COL25A1: variants seen among roughly 807,000 people sequenced by gnomAD.
The protein encoded by COL25A1 is collagen type XXV alpha 1 chain, also known as collagen alpha-1(XXV) chain.
In COL25A1, 103 loss-of-function variants were observed where a neutral mutation model predicts 128.4. The observed-to-expected ratio is 0.80, with a 90% CI of 0.68 to 0.94. The LOEUF is 0.94. Ranked by LOEUF, COL25A1 falls within the 40% of genes least tolerant of loss-of-function variation. The pLI is 0.00. For synonymous variants in COL25A1, 279 were observed against 277.2 expected, an observed-to-expected ratio of 1.01 and a Z score of -0.06; for missense variants, 745 against 840.0, an observed-to-expected ratio of 0.89 and a Z score of 1.40.
chr4:109,033,351 A>T (rs918750814), intron 5 of COL25A1, among the ~76,000 whole-genome samples: 1 of 152,240 alleles, frequency 6.6e-6, no homozygotes, highest in East Asian at 1.9e-4. Context: ...AGGCAGGCAC[A>T]TAACAGTTCC....
At chr4:108,915,406 G>A (rs917293292) in intron 13 of COL25A1, among the ~76,000 whole-genome samples, 1 of 151,850 alleles carries the variant, frequency 6.6e-6, no homozygotes, top group Non-Finnish European at 1.5e-5. Flanking sequence ...TCACCATGTT[G>A]CCCAGGTTGG....
At chr4:109,212,707 A>G (rs545490601) in intron 3 of COL25A1, among the ~76,000 whole-genome samples, 3 of 152,178 alleles carry the variant, frequency 2.0e-5, no homozygotes, top group Non-Finnish European at 4.4e-5. Context: ...GAGTTCCCTA[A>G]AATGAGATGT....
At chr4:109,016,438 G>C (rs1757224259) in intron 5 of COL25A1, among the ~76,000 whole-genome samples, 1 of 152,244 alleles carries the variant, frequency 6.6e-6, no homozygotes, top group African/African-American at 2.4e-5. Context: ...CAGATTCCTA[G>C]GCGGAAAGGG....
chr4:109,017,822 T>A (rs1303541589), intron 5 of COL25A1, among the ~76,000 whole-genome samples: 1 of 152,200 alleles, frequency 6.6e-6, no homozygotes, highest in East Asian at 1.9e-4. Context: ...ACTACCTCTG[T>A]TTCAAGATAA....
chr4:108,975,041 G>C (rs1479859438), intron 6 of COL25A1, among the ~76,000 whole-genome samples: 2 of 152,182 alleles, frequency 1.3e-5, no homozygotes, highest in African/African-American at 4.8e-5. Context: ...TTTGTGTGTA[G>C]TTGTAGATTG....
At chr4:109,258,891 C>A (rs1382223235) in intron 3 of COL25A1, among the ~76,000 whole-genome samples, 2 of 152,142 alleles carry the variant, frequency 1.3e-5, no homozygotes, top group African/African-American at 2.4e-5. Context: ...CCAATTACTA[C>A]CCCTTTTAAG....
chr4:109,186,094 G>A (rs978823470), intron 3 of COL25A1, among the ~76,000 whole-genome samples: 2 of 152,192 alleles, frequency 1.3e-5, no homozygotes, highest in African/African-American at 4.8e-5. Flanking sequence ...TCTCTTGCCA[G>A]GACCTTTTGT....
intron 3 of COL25A1, among the ~76,000 whole-genome samples, chr4:109,137,859 G>GC (rs1769946968): frequency 6.6e-6 from 1 of 152,074 alleles, no homozygotes; most frequent in Non-Finnish European, 1.5e-5. Context: ...TATCCTACAT[G>GC]CATCTGAAAG....
chr4:109,262,513 C>CA (rs575249633), intron 3 of COL25A1, among the ~76,000 whole-genome samples: 174 of 150,718 alleles, frequency 1.2e-3, no homozygotes, highest in Non-Finnish European at 2.2e-3. Flanking sequence ...GACTGTCTCT[C>CA]AAAAAACAAA....
chr4:109,240,083 G>A (rs1429976902), intron 3 of COL25A1, among the ~76,000 whole-genome samples: 1 of 151,968 alleles, frequency 6.6e-6, no homozygotes, highest in Non-Finnish European at 1.5e-5. Flanking sequence ...GCCTCCTGAT[G>A]TACCTGCCTA....
intron 24 of COL25A1, among the ~76,000 whole-genome samples, chr4:108,854,401 CA>C (rs1260362656): frequency 2.6e-5 from 4 of 151,776 alleles, no homozygotes; most frequent in African/African-American, 7.3e-5. Context: ...TTCTGAATAG[CA>C]AAAAAACTAC....
chr4:108,974,374 C>T lies in COL25A1; in HGVS notation c.485G>A (p.Gly162Glu). ...KGDKGEQGDQ[G>E]PRMVFPKINH... ...AGGTAGAGCACAACTTACCCTAGGT[C>T]CCTGATCACCTTGTTCTCCCTGTAG... Residue 162 changes from glycine (G) to glutamate (E), a missense_variant, in exon 8 of 38, where the codon GGA (glycine) becomes GAA (glutamate). Physicochemically the swap from Gly to Glu is moderately conservative, Grantham distance 98. Around this residue, in one of 3 missense-constraint regions of COL25A1, gnomAD observed 319 missense variants for 324.9 expected, o/e 0.98. Transcript: ENST00000399132. The T allele has an allele frequency of 1.2e-6, 2 of 1,613,924 alleles. No individual in the cohort carries two copies. The highest frequency in any genetic ancestry group is 1.7e-4 in the Middle Eastern group (1 of 6,060).
intron 20 of COL25A1, among the ~76,000 whole-genome samples, chr4:108,868,174 T>A (rs1288865247): frequency 6.6e-6 from 1 of 152,148 alleles, no homozygotes; most frequent in East Asian, 1.9e-4. Context: ...CCTCAGAATT[T>A]CTCTACTTTT....
chr4:108,954,699 A>G (rs1247966476), intron 8 of COL25A1, among the ~76,000 whole-genome samples: 1 of 152,020 alleles, frequency 6.6e-6, no homozygotes, highest in Non-Finnish European at 1.5e-5. Flanking sequence ...TATAATAGAA[A>G]AAAAAGATTT....
At position 108,809,718 on chromosome 4, in the gene COL25A1, C is replaced by T. The variant is rs145171582; in HGVS notation, c.*4209G>A. The T allele has an allele frequency of 1.1e-3, 172 of 152,004 alleles. 3 individuals carry two copies. The East Asian group carries it at 0.028, about 25-fold the overall frequency. 9.4% of individuals were successfully genotyped at this position (152,004 alleles called of 1,614,324 possible). On this transcript the variant is annotated 3_prime_UTR_variant, in exon 38 of 38. Coordinates refer to ENST00000399132, the MANE Select transcript of COL25A1 (RefSeq NM_198721.4). ...CTCTGCTGTGTCAATTTTATATTGG[C>T]AACAAATCTAGCCAATATAAAGATA...
chr4:108,890,669 G>T (rs777669648), intron 16 of COL25A1, among the ~76,000 whole-genome samples: 2 of 152,182 alleles, frequency 1.3e-5, no homozygotes, highest in Admixed American at 1.3e-4. Context: ...CAAGAAAATA[G>T]AAACAGCCAC....
intron 3 of COL25A1, among the ~76,000 whole-genome samples, chr4:109,136,271 T>G (rs1457564100): frequency 6.6e-6 from 1 of 152,086 alleles, no homozygotes; most frequent in African/African-American, 2.4e-5. Flanking sequence ...TGGTGGCACG[T>G]GCCTGTAGTC....
At chr4:108,820,576 T>C (rs1731672144) in intron 35 of COL25A1, among the ~76,000 whole-genome samples, 1 of 152,186 alleles carries the variant, frequency 6.6e-6, no homozygotes, top group Admixed American at 6.5e-5. Flanking sequence ...TTAAAAGTGC[T>C]AATACTTTGC....
chr4:109,048,228 GC>G (rs1760637523), intron 4 of COL25A1, 53 bp from the exon 5 acceptor site: 1 of 1,532,810 alleles, frequency 6.5e-7, no homozygotes, highest in Admixed American at 1.7e-5. Context: ...TAGTGAATAT[GC>G]AAAATATTAA....
Sources: gnomAD v4.1 joint callset for allele counts (sites outside exome capture counted in the v4.1 genomes callset) on GRCh38, gnomAD v4.1.1 for gene constraint, gnomAD v4.1.1 regional missense constraint, MANE v1.5 for transcripts, NCBI Gene and HGNC (gene_info 2026-07-23, HGNC 2026-07-21) for gene names.